Variants in BTG4 observed in about 807,000 individuals in gnomAD.
The protein encoded by BTG4 is BTG anti-proliferation factor 4.
BTG4 carries 10 observed loss-of-function variants against 19.3 expected under a neutral mutation model. The observed-to-expected ratio is 0.52, with a 90% CI of 0.32 to 0.88. BTG4 has a LOEUF of 0.88. Ranked by LOEUF, BTG4 falls within the 40% of genes least tolerant of loss-of-function variation. The pLI, the probability that BTG4 is intolerant of heterozygous loss-of-function variation, is 0.04. For synonymous variants in BTG4, 91 were observed against 95.7 expected (o/e 0.95, Z 0.29); for missense variants, 238 against 281.9 (o/e 0.84, Z 1.11).
downstream of BTG4, among the ~76,000 whole-genome samples, chr11:111,489,826 G>C (rs1375259821): frequency 6.6e-6 from 1 of 152,066 alleles, no homozygotes; most frequent in Non-Finnish European, 1.5e-5. Flanking sequence ...AGAGTAGAAT[G>C]GTTGGTTACT....
chr11:111,475,405 G>C (rs533392345), intron 5 of BTG4: 2 of 151,912 alleles, frequency 1.3e-5, no homozygotes, highest in African/African-American at 2.4e-5. Flanking sequence ...TGTAAAACTT[G>C]TATATGTCAT....
At chr11:111,488,251 C>A (rs1019529842) in intron 5 of BTG4, among the ~76,000 whole-genome samples, 1 of 152,148 alleles carries the variant, frequency 6.6e-6, no homozygotes, top group African/African-American at 2.4e-5. Context: ...GGCATAAGAA[C>A]ATACACATTG....
At chr11:111,513,309 T>A (rs72556558), upstream of BTG4, 7,494 of 481,628 alleles carry the variant, frequency 0.016, 452 homozygotes, top group African/African-American at 0.13. Context: ...TGATTCACTG[T>A]GTCTATTTGC....
the BTG4 span, chr11:111,386,045 G>T: frequency 6.6e-6 from 1 of 152,142 alleles, no homozygotes; most frequent in Non-Finnish European, 1.5e-5. Context: ...TGTGCCTGTA[G>T]TCCCAGCTAC....
downstream of BTG4, among the ~76,000 whole-genome samples, chr11:111,493,046 T>G (rs1351419916): frequency 6.6e-6 from 1 of 152,178 alleles, no homozygotes; most frequent in Non-Finnish European, 1.5e-5. Context: ...CTCTGGAGGC[T>G]GAGGCACGAG....
At chr11:111,429,289 T>C in the BTG4 span, among the ~76,000 whole-genome samples, 4 of 152,114 alleles carry the variant, frequency 2.6e-5, no homozygotes, top group Admixed American at 2.6e-4. Flanking sequence ...GACCAGTCAG[T>C]ATTGCAGGGC....
the BTG4 span, chr11:111,449,982 G>C: frequency 6.6e-6 from 1 of 152,402 alleles, no homozygotes; most frequent in African/African-American, 2.4e-5. Flanking sequence ...ACATGCCTAT[G>C]TGCAGGGTCC....
chr11:111,490,510 C>T (rs931900886), downstream of BTG4, among the ~76,000 whole-genome samples: 2 of 151,974 alleles, frequency 1.3e-5, no homozygotes, highest in Non-Finnish European at 2.9e-5. Context: ...AGTTTCAGGC[C>T]ACACATCTGA....
At chr11:111,413,789 C>T in the BTG4 span, among the ~76,000 whole-genome samples, 4 of 152,258 alleles carry the variant, frequency 2.6e-5, no homozygotes, top group East Asian at 5.8e-4. Flanking sequence ...AGGTTCTGAT[C>T]GAAGAGAAGG....
intron 5 of BTG4, among the ~76,000 whole-genome samples, chr11:111,486,596 A>C (rs1201937653): frequency 1.3e-5 from 2 of 152,162 alleles, no homozygotes; most frequent in Non-Finnish European, 1.5e-5. Context: ...AAAGAAAACT[A>C]CAGGCCAGTA....
chr11:111,415,349 T>C, the BTG4 span, among the ~76,000 whole-genome samples: 1 of 152,180 alleles, frequency 6.6e-6, no homozygotes, highest in Non-Finnish European at 1.5e-5. Flanking sequence ...CAGCTGATAA[T>C]ACCATTCACT....
intron 1 of BTG4, among the ~76,000 whole-genome samples, chr11:111,509,691 C>T (rs1866723343): frequency 6.7e-6 from 1 of 150,130 alleles, no homozygotes; most frequent in Non-Finnish European, 1.5e-5. Flanking sequence ...AGCAAAACTC[C>T]ATCTCAAAAA....
At chr11:111,458,980 G>A in the BTG4 span, among the ~76,000 whole-genome samples, 638 of 152,296 alleles carry the variant, frequency 4.2e-3, 8 homozygotes, top group African/African-American at 0.014. Flanking sequence ...GGTGGCTCAC[G>A]CCTGTAATCC....
chr11:111,444,709 T>TA, the BTG4 span, among the ~76,000 whole-genome samples: 4 of 152,154 alleles, frequency 2.6e-5, no homozygotes, highest in East Asian at 7.7e-4. Flanking sequence ...TACAAAAATT[T>TA]AAAAAATAAA....
At chr11:111,423,068 C>A in the BTG4 span, among the ~76,000 whole-genome samples, 4 of 152,158 alleles carry the variant, frequency 2.6e-5, no homozygotes, top group African/African-American at 7.2e-5. Context: ...CCTGACCTGG[C>A]TGCTCCTCAG....
the BTG4 span, among the ~76,000 whole-genome samples, chr11:111,405,958 C>T: frequency 1.3e-5 from 2 of 152,068 alleles, no homozygotes; most frequent in Non-Finnish European, 2.9e-5. Flanking sequence ...TACTAACATC[C>T]TTACTTAATA....
intron 5 of BTG4, among the ~76,000 whole-genome samples, chr11:111,474,603 T>C (rs1053354334): frequency 6.6e-6 from 1 of 152,126 alleles, no homozygotes; most frequent in Non-Finnish European, 1.5e-5. Flanking sequence ...TATTTTCCAG[T>C]TTGGGATTAT....
At chr11:111,429,557 A>G in the BTG4 span, among the ~76,000 whole-genome samples, 51,127 of 152,080 alleles carry the variant, frequency 0.34, 8,639 homozygotes, top group African/African-American at 0.36. Context: ...CAGATAAGGT[A>G]TCCCTGGACT....
At chr11:111,510,390 A>G (rs1464358182) in intron 1 of BTG4, among the ~76,000 whole-genome samples, 1 of 152,270 alleles carries the variant, frequency 6.6e-6, no homozygotes, top group African/African-American at 2.4e-5. Context: ...CATCTCCCTA[A>G]TCACCAAAAG....
Sources: gnomAD v4.1 joint callset for allele counts (sites outside exome capture counted in the v4.1 genomes callset) on GRCh38, gnomAD v4.1.1 for gene constraint, MANE v1.5 for transcripts, NCBI Gene and HGNC (gene_info 2026-07-23, HGNC 2026-07-21) for gene names.